The following ACSM2A variants were observed in gnomAD, a reference collection of about 807,000 sequenced individuals.
ACSM2A encodes the protein acyl-CoA synthetase medium chain family member 2A, also known as acyl-coenzyme A synthetase ACSM2A, mitochondrial.
ACSM2A carries 72 observed loss-of-function variants against 76.6 expected under a neutral mutation model. The ratio of observed to expected loss-of-function variants is 0.94; its 90% CI spans 0.78 to 1.14. The LOEUF (loss-of-function observed/expected upper bound fraction) is 1.14. Ranked by LOEUF, ACSM2A falls within the 50% of genes most tolerant of loss-of-function variation. The pLI is 0.00. For synonymous variants in ACSM2A, 249 were observed against 255.9 expected (o/e 0.97, Z 0.26); for missense variants, 684 against 708.5 (o/e 0.97, Z 0.39).
intron 6 of ACSM2A, among the ~76,000 whole-genome samples, chr16:20,474,758 T>C (rs1260255653): frequency 6.6e-6 from 1 of 152,162 alleles, no homozygotes; most frequent in Admixed American, 6.5e-5. Context: ...CTCTGTATCA[T>C]GAGGATGATA....
intron 1 of ACSM2A, among the ~76,000 whole-genome samples, chr16:20,456,991 A>T (rs1247946852): frequency 6.6e-6 from 1 of 152,002 alleles, no homozygotes; most frequent in Non-Finnish European, 1.5e-5. Flanking sequence ...GACACCACAG[A>T]AATACAAAAG....
At chr16:20,465,438 G>C in intron 2 of ACSM2A, 79 bp from the exon 3 acceptor site, 1 of 1,545,912 alleles carries the variant, frequency 6.5e-7, no homozygotes, top group Non-Finnish European at 8.8e-7. Flanking sequence ...GCACCAACTT[G>C]GCAATCCCAA....
At chr16:20,481,098 C>T (rs1241298929) in intron 12 of ACSM2A, 177 bp downstream of exon 12, 102 of 757,076 alleles carry the variant, frequency 1.3e-4, no homozygotes, top group African/African-American at 1.3e-3. Flanking sequence ...CTCAGTTTCC[C>T]CATCTGTAAG....
intron 13 of ACSM2A, among the ~76,000 whole-genome samples, chr16:20,484,670 T>A (rs1182334074): frequency 6.7e-6 from 1 of 149,772 alleles, no homozygotes. Flanking sequence ...TTAGTCTCAA[T>A]GGGAACTCCA....
chr16:20,458,833 TA>T (rs1055625805), intron 1 of ACSM2A, among the ~76,000 whole-genome samples: 17 of 142,146 alleles, frequency 1.2e-4, no homozygotes, highest in South Asian at 6.4e-4. Context: ...TAAATATATA[TA>T]AAAAAGAATT....
At position 20,487,445 on chromosome 16, in the gene ACSM2A, G is replaced by A. The variant is rs2014436038; in HGVS notation, c.*767G>A. 1 of 152,198 alleles carries A rather than the reference G, an allele frequency of 6.6e-6. No individual in the cohort carries two copies. Among genetic ancestry groups the A allele is most frequent in the South Asian group, 2.1e-4 (1 of 4,826 alleles). 9.4% of individuals were successfully genotyped at this position (152,198 alleles called of 1,614,324 possible). A position where few individuals can be genotyped will look rare whatever the true frequency, so the allele number is the denominator to read the frequency against. ...CACCCCAAACCTTGGAACTGTCAGG[G>A]TCAGAGGGGAACCACCATTTATTAA... On this transcript the variant is annotated 3_prime_UTR_variant, in exon 14 of 14. Transcript: ENST00000573854.
intron 2 of ACSM2A, among the ~76,000 whole-genome samples, chr16:20,461,905 A>G (rs1692155596): frequency 6.6e-6 from 1 of 152,156 alleles, no homozygotes; most frequent in Admixed American, 6.5e-5. Flanking sequence ...GGGTTTTCAA[A>G]GATAATTTGG....
At chr16:20,470,486 G>C (rs2013316558) in intron 4 of ACSM2A, among the ~76,000 whole-genome samples, 1 of 152,196 alleles carries the variant, frequency 6.6e-6, no homozygotes, top group African/African-American at 2.4e-5. Flanking sequence ...TAGGAAACTT[G>C]AAGGGATAAC....
In ACSM2A at chr16:20,480,928, G is replaced by A. The variant is rs139598059; in HGVS notation, c.1509+7G>A. The stretch of plus-strand genomic sequence containing the variant: ...AGACCCCGTCCGAGGAGAGGTGATG[G>A]GGAAGCAGTAGCCTGGGGGTGAACA... On this transcript the variant is annotated splice_region_variant and intron_variant, in intron 12 of 13. Coordinates refer to ENST00000573854, the MANE Select transcript of ACSM2A (RefSeq NM_001308172.2). 2.3e-4 allele frequency: 368 copies of A among 1,613,868 alleles called. 1 individual carries two copies. In the African/African-American group the frequency reaches 4.4e-3, roughly 19 times the overall value.
chr16:20,480,749 G>T (rs375891129), intron 11 of ACSM2A, 49 bp downstream of exon 11: 6 of 1,611,382 alleles, frequency 3.7e-6, no homozygotes, highest in Non-Finnish European at 5.1e-6. Flanking sequence ...CTTTACTCTG[G>T]CTGGTTCCAG....
intron 8 of ACSM2A, chr16:20,476,368 C>T: frequency 1.0e-6 from 1 of 983,508 alleles, no homozygotes; most frequent in Non-Finnish European, 1.2e-6. Context: ...TTTTCCAGTG[C>T]CTCTTACTTG....
At chr16:20,477,998 G>A (rs2013849312) in intron 9 of ACSM2A, among the ~76,000 whole-genome samples, 1 of 152,144 alleles carries the variant, frequency 6.6e-6, no homozygotes, top group Non-Finnish European at 1.5e-5. Context: ...TTGTGTTTGT[G>A]TATCTGTGTT....
At chr16:20,478,146 C>T (rs2013857062) in intron 9 of ACSM2A, among the ~76,000 whole-genome samples, 1 of 152,156 alleles carries the variant, frequency 6.6e-6, no homozygotes, top group Admixed American at 6.5e-5. Flanking sequence ...TATAAAAATC[C>T]TGTGAAATAA....
intron 1 of ACSM2A, among the ~76,000 whole-genome samples, chr16:20,457,358 CAAAG>C (rs2012243513): frequency 6.6e-6 from 1 of 151,962 alleles, no homozygotes; most frequent in South Asian, 2.1e-4. Flanking sequence ...AAGGATGTAA[CAAAG>C]AAAGAAAACT....
At chr16:20,472,209 T>C (rs1206787283) in intron 6 of ACSM2A, among the ~76,000 whole-genome samples, 2 of 152,198 alleles carry the variant, frequency 1.3e-5, no homozygotes, top group African/African-American at 4.8e-5. Context: ...CTTGGGCTAC[T>C]ATAATAAAAT....
At position 20,470,831 on chromosome 16, in the gene ACSM2A, C is replaced by G. The variant is rs114849581; in HGVS notation, c.597-242C>G. 3.7e-3 allele frequency: 2,529 copies of G among 680,774 alleles called. 53 individuals carry two copies. The African/African-American group carries it at 0.038, about 10-fold the overall frequency. 42.2% of individuals were successfully genotyped at this position (680,774 alleles called of 1,614,324 possible). ...TTTTTTGCAGATATAAAGTCAGACACAGAGACGTTAAATAAGTAGTTTAAG... is the reference window on the plus strand; with the variant it reads ...TTTTTTGCAGATATAAAGTCAGACAGAGAGACGTTAAATAAGTAGTTTAAG... On this transcript the variant is annotated intron_variant, in intron 4 of 13. Coordinates refer to ENST00000573854, the MANE Select transcript of ACSM2A (RefSeq NM_001308172.2).
intron 5 of ACSM2A, 93 bp from the exon 6 acceptor site, chr16:20,471,443 A>G (rs2013393675): frequency 1.3e-6 from 2 of 1,522,240 alleles, no homozygotes; most frequent in Non-Finnish European, 1.8e-6. Flanking sequence ...ACCTCTGCAC[A>G]CACACCTCCC....
intron 3 of ACSM2A, among the ~76,000 whole-genome samples, chr16:20,467,836 C>T (rs1041702892): frequency 3.3e-5 from 5 of 152,074 alleles, no homozygotes; most frequent in South Asian, 2.1e-4. Flanking sequence ...TCAACTTTTA[C>T]ATTAAAAGGA....
Position 20,475,661 on chromosome 16 carries a change from C to T in ACSM2A, c.986C>T (p.Pro329Leu), listed in dbSNP as rs149334873. The T allele has an allele frequency of 1.9e-6, 3 of 1,613,886 alleles. No homozygotes were observed. In the African/African-American group the frequency reaches 4.0e-5, roughly 22 times the overall value. Residue 329 changes from proline to leucine, a missense_variant, in exon 8 of 14, where the codon CCC becomes CTC. Pro to Leu is a moderately conservative substitution (Grantham distance 98). Coordinates refer to ENST00000573854, the MANE Select transcript of ACSM2A (RefSeq NM_001308172.2). Reference sequence around the variant, plus strand: ...TTTCTCTTCTTCAGTTACAAGTTCCCCCATCTACAGAACTGCGTCACTGTA... The same window carrying T: ...TTTCTCTTCTTCAGTTACAAGTTCCTCCATCTACAGAACTGCGTCACTGTA... ...LQQDLSSYKF[P>L]HLQNCVTVGE...
Sources: gnomAD v4.1 joint callset for allele counts (sites outside exome capture counted in the v4.1 genomes callset) on GRCh38, gnomAD v4.1.1 for gene constraint, MANE v1.5 for transcripts, NCBI Gene and HGNC (gene_info 2026-07-23, HGNC 2026-07-21) for gene names.